The following DIP2A variants were observed in gnomAD, a reference collection of about 807,000 sequenced individuals.
The protein encoded by DIP2A is disco-interacting protein 2 homolog A.
A neutral mutation model predicts 177.4 loss-of-function variants in DIP2A; 85 were observed. That is an observed-to-expected ratio of 0.48 (90% CI 0.40 to 0.57). The LOEUF is 0.57. DIP2A is among the 20% of genes least tolerant of loss of function. The pLI is 0.00. For missense variants in DIP2A, 1,791 were observed against 2,100.2 expected (o/e 0.85, Z 2.88); for synonymous variants, 886 against 881.8 (o/e 1.00, Z -0.08).
chr21:46,501,592 A>C (rs1275054351), intron 5 of DIP2A, among the ~76,000 whole-genome samples: 1 of 152,056 alleles, frequency 6.6e-6, no homozygotes, highest in Non-Finnish European at 1.5e-5. Flanking sequence ...GCTAATTTTT[A>C]AAAATTTTTT....
intron 8 of DIP2A, among the ~76,000 whole-genome samples, chr21:46,522,266 A>T (rs1200518473): frequency 6.6e-6 from 1 of 152,352 alleles, no homozygotes. Context: ...TCTTTCATAT[A>T]TAAACATCAC....
chr21:46,563,902 A>G lies in DIP2A; in HGVS notation c.4134A>G (p.Lys1378=). Residue 1378 remains lysine (K), a synonymous_variant, in exon 35 of 38, where the codon AAA becomes AAG. Transcript: ENST00000417564. This position sits in a 1 kb window ranked among gnomAD's most constrained non-coding sequence, Gnocchi z 4.3. The part of the protein sequence containing the change: ...VKVIIAHTET[K]GPLGDSHLGE... ...TCATCATCGCACACACCGAGACCAAAGGACCCTTGGGAGACTCACACCTGG... is the reference window on the plus strand; with the variant it reads ...TCATCATCGCACACACCGAGACCAAGGGACCCTTGGGAGACTCACACCTGG... 6.2e-7 allele frequency: 1 copy of G among 1,613,210 alleles called. No homozygotes were observed.
intron 1 of DIP2A, among the ~76,000 whole-genome samples, chr21:46,478,130 C>G (rs2056067031): frequency 6.6e-6 from 1 of 152,082 alleles, no homozygotes; most frequent in African/African-American, 2.4e-5. Context: ...GTTTTTCAAG[C>G]TTGATTTAGC....
chr21:46,533,290 T>G (rs2059426524), intron 10 of DIP2A, among the ~76,000 whole-genome samples: 1 of 152,234 alleles, frequency 6.6e-6, no homozygotes, highest in African/African-American at 2.4e-5. Flanking sequence ...AACTTTATAT[T>G]TCAACACAAA....
At chr21:46,554,102 C>A in intron 25 of DIP2A, 67 bp from the exon 26 acceptor site, 1 of 1,541,850 alleles carries the variant, frequency 6.5e-7, no homozygotes, top group South Asian at 1.2e-5. Flanking sequence ...GTGGTGTGCA[C>A]GCAGATCTGC....
chr21:46,570,899 AAG>A (rs1319080425), downstream of DIP2A, among the ~76,000 whole-genome samples: 1 of 152,240 alleles, frequency 6.6e-6, no homozygotes, highest in Non-Finnish European at 1.5e-5. Flanking sequence ...GATGAACTCA[AAG>A]AGACCACACA....
At chr21:46,468,768 G>A (rs966045495) in intron 1 of DIP2A, among the ~76,000 whole-genome samples, 1 of 152,094 alleles carries the variant, frequency 6.6e-6, no homozygotes, top group Non-Finnish European at 1.5e-5. Context: ...TATGGTGATG[G>A]TTTCACAGGG....
intron 13 of DIP2A, among the ~76,000 whole-genome samples, 190 bp downstream of exon 13, chr21:46,534,877 T>C (rs575314799): frequency 6.6e-6 from 1 of 152,374 alleles, no homozygotes; most frequent in East Asian, 1.9e-4. Flanking sequence ...GTGGTTGTGC[T>C]GGCCAAGAGG....
chr21:46,498,758 G>C lies in DIP2A; in HGVS notation c.580G>C (p.Ala194Pro), dbSNP rs532939153. 1.8e-5 allele frequency: 29 copies of C among 1,613,770 alleles called. No individual in the cohort carries two copies. In the African/African-American group the frequency reaches 2.5e-4, roughly 14 times the overall value. Residue 194 changes from alanine to proline, a missense_variant, in exon 5 of 38, where the codon GCT (alanine) becomes CCT (proline). By Grantham distance (27) the Ala-to-Pro change is conservative. Coordinates refer to ENST00000417564, the MANE Select transcript of DIP2A (RefSeq NM_015151.4). This position sits in a 1 kb window ranked among gnomAD's most constrained non-coding sequence, Gnocchi z 4.3. ...TCACCCGGGAGGGAGACCCACCACT[G>C]CTCCCAGTGCTGCAGCCACGCCGGG... is the stretch of plus-strand genomic sequence containing the variant. ...SSHPGGRPTT[A>P]PSAAATPGAA...
Position 46,547,025 on chromosome 21 carries a change from G to C in DIP2A, c.2505G>C (p.Lys835Asn), listed in dbSNP as rs1183525662. ...CCGCACTGGCCGTGGAGCCCATGAAGTTTGTCTACAGAGGCAGGTGATGCG... is the reference window on the plus strand; with the variant it reads ...CCGCACTGGCCGTGGAGCCCATGAACTTTGTCTACAGAGGCAGGTGATGCG... ...VATALAVEPM[K>N]FVYRGRIAVF... The change falls in exon 21 of 38, where the codon AAG becomes AAC. Residue 835 changes from lysine (K) to asparagine (N), a missense_variant. Coordinates refer to ENST00000417564, the MANE Select transcript of DIP2A (RefSeq NM_015151.4). 3 of 1,613,990 alleles carry C rather than the reference G, an allele frequency of 1.9e-6. No homozygotes were observed. Among genetic ancestry groups the C allele is most frequent in the Non-Finnish European group, 2.5e-6 (3 of 1,179,868 alleles).
chr21:46,514,635 T>TTG (rs2058479364), intron 8 of DIP2A, among the ~76,000 whole-genome samples: 2 of 137,622 alleles, frequency 1.5e-5, no homozygotes, highest in Non-Finnish European at 3.1e-5. Context: ...TTTTTTTTTT[T>TTG]TTTTTGGTTT....
At chr21:46,508,632 A>T (rs1367000042) in intron 6 of DIP2A, among the ~76,000 whole-genome samples, 2 of 151,720 alleles carry the variant, frequency 1.3e-5, no homozygotes, top group African/African-American at 4.8e-5. Flanking sequence ...TGCTGGGATT[A>T]CAGGGCCATG....
In DIP2A at chr21:46,556,869, C is replaced by T. The variant is rs2060487259; in HGVS notation, c.3499-70C>T. ...GGTCTAGCCATGTGAACAGCGGACA[C>T]TGCCATCCACCCTCTCCCCTCCTGA... On this transcript the variant is annotated intron_variant, in intron 29 of 37. Coordinates refer to ENST00000417564, the MANE Select transcript of DIP2A (RefSeq NM_015151.4). The surrounding 1 kb of genome is among the most constrained non-coding windows in gnomAD (Gnocchi z 4.5). 5 of 1,379,850 alleles carry T rather than the reference C, an allele frequency of 3.6e-6. No individual in the cohort carries two copies. The highest frequency in any genetic ancestry group is 1.4e-5 in the South Asian group (1 of 73,468). 85.5% of individuals were successfully genotyped at this position (1,379,850 alleles called of 1,614,324 possible).
chr21:46,582,208 C>G, the DIP2A span, among the ~76,000 whole-genome samples: 1 of 152,180 alleles, frequency 6.6e-6, no homozygotes, highest in South Asian at 2.1e-4. Context: ...CCACCTAAAG[C>G]AGCAGTCTAG....
At chr21:46,552,409 G>T (rs1028436750) in intron 25 of DIP2A, among the ~76,000 whole-genome samples, 4 of 152,160 alleles carry the variant, frequency 2.6e-5, no homozygotes, top group South Asian at 4.1e-4. Flanking sequence ...ATTCCACTGT[G>T]CTAGGAACAT....
chr21:46,531,905 A>G (rs531290860), intron 9 of DIP2A, among the ~76,000 whole-genome samples: 130 of 152,308 alleles, frequency 8.5e-4, no homozygotes, highest in African/African-American at 2.9e-3. Flanking sequence ...TTGTCTTACA[A>G]AGTCAGCACT....
In DIP2A at chr21:46,555,034, C is replaced by T; in HGVS notation, c.3388+101C>T. The T allele has an allele frequency of 2.5e-6, 3 of 1,218,840 alleles. No homozygotes were observed. In the South Asian group the frequency reaches 4.1e-5, roughly 17 times the overall value. The allele number at this position is 1,218,840 out of a possible 1,614,324, so 75.5% of individuals were successfully genotyped here. Reference sequence around the variant, plus strand: ...TCCAAAAACACACGTGAGGCAAGAGCAGTCCTGGCAGGAGCCTGGCTGACA... The same window carrying T: ...TCCAAAAACACACGTGAGGCAAGAGTAGTCCTGGCAGGAGCCTGGCTGACA... On this transcript the variant is annotated intron_variant, in intron 28 of 37. Transcript: ENST00000417564.
chr21:46,513,876 C>G (rs1457856758), intron 8 of DIP2A, among the ~76,000 whole-genome samples: 1 of 152,046 alleles, frequency 6.6e-6, no homozygotes, highest in Non-Finnish European at 1.5e-5. Context: ...AAATCCCAAA[C>G]ACTTCTAATC....
chr21:46,511,179 T>C (rs1344155239), intron 7 of DIP2A, among the ~76,000 whole-genome samples: 1 of 152,152 alleles, frequency 6.6e-6, no homozygotes, highest in African/African-American at 2.4e-5. Flanking sequence ...GAGGTTGTGG[T>C]CACCAGGATG....
Sources: gnomAD v4.1 joint callset for allele counts (sites outside exome capture counted in the v4.1 genomes callset) on GRCh38, gnomAD v4.1.1 for gene constraint, Gnocchi (gnomAD v3.1) non-coding constraint, MANE v1.5 for transcripts, NCBI Gene and HGNC (gene_info 2026-07-23, HGNC 2026-07-21) for gene names.